The following DNAH14 variants were observed in gnomAD, a reference collection of about 807,000 sequenced individuals.
DNAH14 encodes the protein axonemal beta dynein heavy chain 14.
In DNAH14, 478 loss-of-function variants were observed where a neutral mutation model predicts 520.9. The observed-to-expected ratio is 0.92, with a 90% CI of 0.85 to 0.99. DNAH14 has a LOEUF of 0.99. DNAH14 is among the 50% of genes least tolerant of loss of function. The pLI, the probability that DNAH14 is intolerant of heterozygous loss-of-function variation, is 0.00. For synonymous variants in DNAH14, 1,581 were observed against 1,757.2 expected (o/e 0.90, Z 2.51); for missense variants, 4,831 against 5,234.5 (o/e 0.92, Z 2.38).
At position 225,061,315 on chromosome 1, in the gene DNAH14, G is replaced by T. The variant is rs182859421; in HGVS notation, c.2424+9520G>T. On this transcript the variant is annotated intron_variant, in intron 17 of 85. Coordinates refer to ENST00000682510, the MANE Select transcript of DNAH14 (RefSeq NM_001367479.1). ...CGTGGGCGTAGGACCCTCTGAGCCA[G>T]GCGCTGGATACAATCTCCTGGTGTG... 4.2e-3 allele frequency among the ~76,000 whole-genome samples: 639 copies of T among 152,370 alleles called. 4 individuals carry two copies. Among genetic ancestry groups the T allele is most frequent in the African/African-American group, 0.015 (606 of 41,596 alleles).
intron 49 of DNAH14, among the ~76,000 whole-genome samples, chr1:225,269,545 C>A (rs1317696820): frequency 6.6e-6 from 1 of 152,156 alleles, no homozygotes; most frequent in African/African-American, 2.4e-5. Flanking sequence ...AACAGGCAAC[C>A]TACAGAATGG....
chr1:225,140,973 A>G lies in DNAH14; in HGVS notation c.4460A>G (p.Asn1487Ser). The change falls in exon 28 of 86, where the codon AAT becomes AGT. Residue 1487 changes from asparagine to serine, a missense_variant. Physicochemically the swap from Asn to Ser is conservative, Grantham distance 46 (BLOSUM62 1). Coordinates refer to ENST00000682510, the MANE Select transcript of DNAH14 (RefSeq NM_001367479.1). ...LYVHCRDIVI[N>S]LLLKNIFNAE... is the part of the protein sequence containing the mutation. Reference sequence around the variant, plus strand: ...GTTCACTGCAGAGATATAGTGATAAATTTACTACTTAAAAATATCTTCAAT... The same window carrying G: ...GTTCACTGCAGAGATATAGTGATAAGTTTACTACTTAAAAATATCTTCAAT... 1.3e-6 allele frequency: 2 copies of G among 1,550,948 alleles called. No homozygotes were observed. The highest frequency in any genetic ancestry group is 1.7e-6 in the Non-Finnish European group (2 of 1,146,656).
chr1:224,947,755 T>A (rs1183723488), intron 1 of DNAH14, among the ~76,000 whole-genome samples: 1 of 152,050 alleles, frequency 6.6e-6, no homozygotes, highest in East Asian at 1.9e-4. Context: ...TCTTAACATT[T>A]ATTTCTTAAT....
intron 43 of DNAH14, among the ~76,000 whole-genome samples, chr1:225,252,024 A>G (rs1465911710): frequency 6.6e-6 from 1 of 152,202 alleles, no homozygotes; most frequent in Non-Finnish European, 1.5e-5. Context: ...ATCCAAACAC[A>G]TGGTAATAAT....
chr1:225,351,511 A>T (rs1156824989), intron 71 of DNAH14, 136 bp from the exon 72 acceptor site: 2 of 452,336 alleles, frequency 4.4e-6, no homozygotes, highest in Non-Finnish European at 7.5e-6. Context: ...TGTAAAATAT[A>T]TTTTTATTTC....
intron 8 of DNAH14, among the ~76,000 whole-genome samples, chr1:224,975,905 C>G (rs1228912039): frequency 6.6e-6 from 1 of 151,802 alleles, no homozygotes. Flanking sequence ...GAATGTGTCC[C>G]AGAGATTCTG....
intron 81 of DNAH14, among the ~76,000 whole-genome samples, chr1:225,387,058 T>TA (rs1350296554): frequency 6.6e-6 from 1 of 152,006 alleles, no homozygotes; most frequent in Non-Finnish European, 1.5e-5. Context: ...TATGCAGCCA[T>TA]AAAAAAGGAT....
chr1:225,327,215 A>T (rs2094692847), intron 64 of DNAH14, among the ~76,000 whole-genome samples: 1 of 151,438 alleles, frequency 6.6e-6, no homozygotes, highest in Non-Finnish European at 1.5e-5. Flanking sequence ...TGAAGTGCAG[A>T]GGCGCGATCT....
intron 55 of DNAH14, among the ~76,000 whole-genome samples, chr1:225,298,946 G>A (rs1475994956): frequency 3.3e-5 from 5 of 152,184 alleles, no homozygotes; most frequent in Non-Finnish European, 7.3e-5. Context: ...GGGGAGACAG[G>A]GCTGCAGAGG....
chr1:225,357,656 A>G (rs2095445061), intron 73 of DNAH14: 5 of 527,578 alleles, frequency 9.5e-6, no homozygotes, highest in Non-Finnish European at 1.7e-5. Flanking sequence ...AGAAAAGAGC[A>G]GAATTCAGCA....
intron 42 of DNAH14, among the ~76,000 whole-genome samples, chr1:225,236,624 G>A (rs1303175426): frequency 1.3e-5 from 2 of 152,044 alleles, no homozygotes; most frequent in Non-Finnish European, 2.9e-5. Flanking sequence ...CAGTGGGGGT[G>A]TTATCTGGGT....
intron 1 of DNAH14, among the ~76,000 whole-genome samples, chr1:224,945,347 C>G (rs1381679024): frequency 2.6e-5 from 4 of 152,268 alleles, no homozygotes; most frequent in South Asian, 2.1e-4. Flanking sequence ...GCTCCATCAG[C>G]TCCTTTAAGG....
At chr1:225,269,768 A>G (rs999011793) in intron 49 of DNAH14, among the ~76,000 whole-genome samples, 1 of 152,228 alleles carries the variant, frequency 6.6e-6, no homozygotes, top group African/African-American at 2.4e-5. Flanking sequence ...GCAAACCGCA[A>G]GGAGATACCA....
At position 225,351,645 on chromosome 1, in the gene DNAH14, A is replaced by G. The variant is rs1180844426; in HGVS notation, c.11297-2A>G. On this transcript the variant is annotated splice_acceptor_variant, in intron 71 of 85. Coordinates refer to ENST00000682510, the MANE Select transcript of DNAH14 (RefSeq NM_001367479.1). LOFTEE classifies it high-confidence loss of function. ...ATGTGATCATCTTTCTTTTTTTATCAGGCACATTTGAAATAGGTGAAAGTC... is the reference window on the plus strand; with the variant it reads ...ATGTGATCATCTTTCTTTTTTTATCGGGCACATTTGAAATAGGTGAAAGTC... The G allele has an allele frequency of 5.9e-6, 9 of 1,534,424 alleles. No individual in the cohort carries two copies. Among genetic ancestry groups the G allele is most frequent in the Admixed American group, 2.1e-5 (1 of 48,250 alleles).
intron 43 of DNAH14, among the ~76,000 whole-genome samples, chr1:225,247,654 A>T (rs1011537448): frequency 6.6e-6 from 1 of 152,228 alleles, no homozygotes; most frequent in Non-Finnish European, 1.5e-5. Context: ...AACAATTTAT[A>T]GTGAAACTGC....
At chr1:225,380,035 C>T in intron 79 of DNAH14, 124 bp from the exon 80 acceptor site, 1 of 982,146 alleles carries the variant, frequency 1.0e-6, no homozygotes, top group Non-Finnish European at 1.5e-6. Context: ...ACTCATCCTA[C>T]AGTGGTATAG....
chr1:225,097,256 A>G lies in DNAH14; in HGVS notation c.3695+17A>G, dbSNP rs1573041706. Reference sequence around the variant, plus strand: ...AATACGAAGGTAAAATACCTAAAATATACCATATACAGGTTCAAAATGCAT... The same window carrying G: ...AATACGAAGGTAAAATACCTAAAATGTACCATATACAGGTTCAAAATGCAT... On this transcript the variant is annotated intron_variant, in intron 22 of 85. Coordinates refer to ENST00000682510, the MANE Select transcript of DNAH14 (RefSeq NM_001367479.1). The G allele has an allele frequency of 6.5e-7, 1 of 1,535,646 alleles. No individual in the cohort carries two copies. Among genetic ancestry groups the G allele is most frequent in the Non-Finnish European group, 8.8e-7 (1 of 1,140,058 alleles).
At chr1:224,933,769 A>C (rs1400217700) in intron 1 of DNAH14, among the ~76,000 whole-genome samples, 1 of 152,040 alleles carries the variant, frequency 6.6e-6, no homozygotes, top group Non-Finnish European at 1.5e-5. Context: ...CTCCTGGTAT[A>C]AATCCCATTT....
intron 11 of DNAH14, among the ~76,000 whole-genome samples, chr1:225,029,070 C>T (rs1485702909): frequency 6.6e-6 from 1 of 151,938 alleles, no homozygotes; most frequent in Non-Finnish European, 1.5e-5. Flanking sequence ...AGTGGATAGC[C>T]ATGAAATGCA....
Sources: gnomAD v4.1 joint callset for allele counts (sites outside exome capture counted in the v4.1 genomes callset) on GRCh38, gnomAD v4.1.1 for gene constraint, MANE v1.5 for transcripts, NCBI Gene and HGNC (gene_info 2026-07-23, HGNC 2026-07-21) for gene names.